The following NKAIN3 variants were observed in gnomAD, a reference collection of about 807,000 sequenced individuals.
The protein encoded by NKAIN3 is sodium/potassium transporting ATPase interacting 3.
In NKAIN3, 25 loss-of-function variants were observed where a neutral mutation model predicts 30.2. The observed-to-expected ratio is 0.83, with a 90% CI of 0.60 to 1.16. The LOEUF is 1.16. Among genes scored for constraint, NKAIN3 ranks in the 50% most tolerant of loss-of-function variants. The pLI is 0.00. For missense variants in NKAIN3, 225 were observed against 254.1 expected (o/e 0.89, Z 0.78); for synonymous variants, 91 against 89.6 (o/e 1.02, Z -0.09).
chr8:62,571,390 G>C (rs1809933006), intron 1 of NKAIN3, among the ~76,000 whole-genome samples: 1 of 152,204 alleles, frequency 6.6e-6, no homozygotes, highest in African/African-American at 2.4e-5. Flanking sequence ...CCACCTCTGT[G>C]GCTTTGCAGG....
intron 3 of NKAIN3, among the ~76,000 whole-genome samples, chr8:62,598,167 G>A (rs1352295481): frequency 6.6e-6 from 1 of 152,052 alleles, no homozygotes; most frequent in Admixed American, 6.6e-5. Context: ...ACCGGAGAGT[G>A]AGTAAGGCAG....
chr8:62,621,243 G>T (rs941362154), intron 3 of NKAIN3, among the ~76,000 whole-genome samples: 1 of 152,024 alleles, frequency 6.6e-6, no homozygotes, highest in Non-Finnish European at 1.5e-5. Context: ...TCAATAAATT[G>T]CCATTTCTTC....
chr8:62,933,286 A>G (rs1822677928), intron 5 of NKAIN3, among the ~76,000 whole-genome samples: 1 of 152,226 alleles, frequency 6.6e-6, no homozygotes, highest in Non-Finnish European at 1.5e-5. Context: ...ATAAAAAAAG[A>G]AAGTATTTCA....
intron 1 of NKAIN3, among the ~76,000 whole-genome samples, chr8:62,539,131 C>T (rs189198309): frequency 3.3e-5 from 5 of 152,164 alleles, no homozygotes; most frequent in Non-Finnish European, 5.9e-5. Flanking sequence ...TGTCCTGAAA[C>T]GTGTTTATCA....
chr8:62,306,651 A>C (rs556985215), intron 1 of NKAIN3, among the ~76,000 whole-genome samples: 11 of 149,396 alleles, frequency 7.4e-5, no homozygotes, highest in Admixed American at 2.0e-4. Context: ...GAACATAAGA[A>C]GAGTCAGAAG....
intron 1 of NKAIN3, among the ~76,000 whole-genome samples, chr8:62,318,918 C>A (rs1460341247): frequency 6.6e-6 from 1 of 152,052 alleles, no homozygotes. Context: ...GTACCAGCTC[C>A]TCCTTGTACC....
intron 3 of NKAIN3, among the ~76,000 whole-genome samples, chr8:62,661,574 TAG>T (rs1812945432): frequency 6.6e-6 from 1 of 152,214 alleles, no homozygotes; most frequent in African/African-American, 2.4e-5. Context: ...TCTGTCGGTG[TAG>T]AGTTTCACTC....
At chr8:62,709,293 T>C (rs1814640607) in intron 3 of NKAIN3, among the ~76,000 whole-genome samples, 1 of 152,138 alleles carries the variant, frequency 6.6e-6, no homozygotes, top group Non-Finnish European at 1.5e-5. Flanking sequence ...GTCGAAAGGA[T>C]TGGTCCAATT....
chr8:62,960,785 A>C (rs1213781516), intron 6 of NKAIN3, among the ~76,000 whole-genome samples: 1 of 151,600 alleles, frequency 6.6e-6, no homozygotes, highest in African/African-American at 2.4e-5. Flanking sequence ...TAGAAAAAGA[A>C]ACATTTACAG....
At chr8:62,376,558 T>G (rs1220579980) in intron 1 of NKAIN3, among the ~76,000 whole-genome samples, 8 of 152,210 alleles carry the variant, frequency 5.3e-5, no homozygotes, top group Non-Finnish European at 1.5e-5. Context: ...TGCACCTGTC[T>G]GGGACCACTC....
intron 1 of NKAIN3, among the ~76,000 whole-genome samples, chr8:62,474,865 T>C (rs762544932): frequency 6.6e-5 from 10 of 152,200 alleles, no homozygotes; most frequent in Non-Finnish European, 1.2e-4. Flanking sequence ...AGGGTAAATA[T>C]AAAAGGTTAT....
intron 4 of NKAIN3, among the ~76,000 whole-genome samples, chr8:62,773,717 C>T (rs1263479294): frequency 1.3e-5 from 2 of 152,084 alleles, no homozygotes; most frequent in Non-Finnish European, 2.9e-5. Flanking sequence ...TTGCCTGCCA[C>T]CATATAAGAC....
chr8:62,367,478 G>A (rs567345423), intron 1 of NKAIN3, among the ~76,000 whole-genome samples: 23 of 152,158 alleles, frequency 1.5e-4, no homozygotes, highest in African/African-American at 3.4e-4. Context: ...CCAAATAAAC[G>A]TGATCAATAG....
At chr8:62,991,818 T>C (rs1467206951) in intron 5 of NKAIN3, among the ~76,000 whole-genome samples, 1 of 152,182 alleles carries the variant, frequency 6.6e-6, no homozygotes, top group Non-Finnish European at 1.5e-5. Flanking sequence ...ACTCTTTAAT[T>C]GAACGTGTCT....
chr8:62,509,474 CG>C (rs1413311640), intron 1 of NKAIN3, among the ~76,000 whole-genome samples: 3 of 152,080 alleles, frequency 2.0e-5, no homozygotes, highest in African/African-American at 7.2e-5. Context: ...TGCATGTCTC[CG>C]ACTTAATAAA....
Position 62,670,092 on chromosome 8 carries a change from A to G in NKAIN3, c.274-76840A>G, listed in dbSNP as rs1051024363. 7.9e-5 allele frequency among the ~76,000 whole-genome samples: 12 copies of G among 152,166 alleles called. 1 individual carries two copies. The highest frequency in any genetic ancestry group is 2.9e-4 in the African/African-American group (12 of 41,442). On this transcript the variant is annotated intron_variant, in intron 3 of 6. Coordinates refer to ENST00000623646, the MANE Select transcript of NKAIN3 (RefSeq NM_001304533.3). Reference sequence around the variant, plus strand: ...ACACAATTAGAATCAAGTCTATACCATAAACAACAACAAAAAACCATTGAC... The same window carrying G: ...ACACAATTAGAATCAAGTCTATACCGTAAACAACAACAAAAAACCATTGAC...
intron 4 of NKAIN3, among the ~76,000 whole-genome samples, chr8:62,803,290 C>T (rs1818140080): frequency 6.6e-6 from 1 of 152,134 alleles, no homozygotes; most frequent in Admixed American, 6.5e-5. Flanking sequence ...GAACTCTCCA[C>T]CCCAAATCAA....
At chr8:62,486,978 C>A (rs941896175) in intron 1 of NKAIN3, among the ~76,000 whole-genome samples, 8 of 152,180 alleles carry the variant, frequency 5.3e-5, no homozygotes, top group Non-Finnish European at 8.8e-5. Context: ...CTCATGCAGA[C>A]CCTCCCTGAA....
chr8:62,925,593 C>G (rs552298563), intron 5 of NKAIN3, among the ~76,000 whole-genome samples: 7 of 152,104 alleles, frequency 4.6e-5, no homozygotes, highest in Non-Finnish European at 1.0e-4. Context: ...TACTTGAAAC[C>G]AGATGTTAGA....
Sources: allele counts gnomAD v4.1 joint callset (sites outside exome capture counted in the v4.1 genomes callset), GRCh38; gene constraint gnomAD v4.1.1; transcripts MANE v1.5; gene names NCBI Gene and HGNC (gene_info 2026-07-23, HGNC 2026-07-21).